SLC35D2: variants seen among roughly 807,000 people sequenced by gnomAD.
The protein encoded by SLC35D2 is nucleotide sugar transporter SLC35D2.
SLC35D2 carries 43 observed loss-of-function variants against 41.8 expected under a neutral mutation model. That is an observed-to-expected ratio of 1.03 (90% CI 0.81 to 1.33). The LOEUF is 1.33. Among genes scored for constraint, SLC35D2 ranks in the 40% most tolerant of loss-of-function variants. The pLI is 0.00. For synonymous variants in SLC35D2, 150 were observed against 163.9 expected (o/e 0.92, Z 0.65); for missense variants, 380 against 408.4 (o/e 0.93, Z 0.60).
At chr9:96,356,873 T>C (rs530430845) in intron 4 of SLC35D2, among the ~76,000 whole-genome samples, 1 of 148,526 alleles carries the variant, frequency 6.7e-6, no homozygotes, top group Non-Finnish European at 1.5e-5. Context: ...AGACCCTGTC[T>C]CAAAAAAATA....
At chr9:96,360,332 A>G (rs1429673970) in intron 3 of SLC35D2, 111 bp from the exon 4 acceptor site, 3 of 883,052 alleles carry the variant, frequency 3.4e-6, no homozygotes, top group Non-Finnish European at 5.3e-6. Flanking sequence ...TCAAACAGGC[A>G]TTAAAAAAAT....
intron 8 of SLC35D2, among the ~76,000 whole-genome samples, chr9:96,338,912 A>C (rs1829179127): frequency 6.6e-6 from 1 of 152,220 alleles, no homozygotes; most frequent in South Asian, 2.1e-4. Context: ...GAAATACTTA[A>C]GTTTTAAATT....
At chr9:96,371,329 G>C (rs1354310628) in intron 1 of SLC35D2, among the ~76,000 whole-genome samples, 1 of 151,616 alleles carries the variant, frequency 6.6e-6, no homozygotes, top group Non-Finnish European at 1.5e-5. Context: ...AGCCAGGCGT[G>C]GTGGCACACA....
chr9:96,373,434 A>G (rs1229655758), intron 1 of SLC35D2, among the ~76,000 whole-genome samples: 1 of 152,046 alleles, frequency 6.6e-6, no homozygotes, highest in East Asian at 1.9e-4. Context: ...TACACCTGTA[A>G]TTCCAGCACT....
chr9:96,340,441 A>C (rs1462395874), intron 8 of SLC35D2, among the ~76,000 whole-genome samples: 1 of 151,672 alleles, frequency 6.6e-6, no homozygotes, highest in Non-Finnish European at 1.5e-5. Flanking sequence ...ACATGGTGAA[A>C]CCCTATCTTT....
chr9:96,375,145 C>T (rs1329338746), intron 1 of SLC35D2, among the ~76,000 whole-genome samples: 1 of 151,342 alleles, frequency 6.6e-6, no homozygotes, highest in Non-Finnish European at 1.5e-5. Context: ...GCGCCCACCA[C>T]GATGCCCGGC....
intron 3 of SLC35D2, among the ~76,000 whole-genome samples, chr9:96,360,933 G>A (rs1203188566): frequency 6.6e-6 from 1 of 151,880 alleles, no homozygotes; most frequent in Non-Finnish European, 1.5e-5. Context: ...AGTAGAGATG[G>A]GATTTTGCCA....
chr9:96,367,902 T>C (rs1472160263), intron 2 of SLC35D2, among the ~76,000 whole-genome samples: 4 of 152,178 alleles, frequency 2.6e-5, no homozygotes, highest in Non-Finnish European at 5.9e-5. Flanking sequence ...TGGCTTAAAC[T>C]AAGTATCAAG....
chr9:96,357,528 C>A, intron 4 of SLC35D2: 1 of 152,014 alleles, frequency 6.6e-6, no homozygotes, highest in East Asian at 1.9e-4. Context: ...CTGGGTAACA[C>A]AGCAACATTG....
At chr9:96,319,925 C>G (rs940865951), downstream of SLC35D2, among the ~76,000 whole-genome samples, 3 of 152,202 alleles carry the variant, frequency 2.0e-5, no homozygotes, top group Non-Finnish European at 4.4e-5. Flanking sequence ...GATTAAAATA[C>G]TAGAGGCCAC....
downstream of SLC35D2, among the ~76,000 whole-genome samples, chr9:96,318,768 G>A (rs181678913): frequency 3.2e-4 from 49 of 152,150 alleles, no homozygotes; most frequent in African/African-American, 1.2e-3. Context: ...ACCATCCTGG[G>A]CAACATAGTG....
intron 8 of SLC35D2, among the ~76,000 whole-genome samples, chr9:96,341,613 C>A (rs1377961642): frequency 1.3e-5 from 2 of 152,138 alleles, no homozygotes; most frequent in East Asian, 3.9e-4. Context: ...ACATAATAAG[C>A]CCTCAGCAAG....
intron 6 of SLC35D2, among the ~76,000 whole-genome samples, chr9:96,346,254 G>A (rs894732514): frequency 6.6e-6 from 1 of 152,194 alleles, no homozygotes; most frequent in Non-Finnish European, 1.5e-5. Context: ...CAGAAAAGAA[G>A]TGAAACTCAA....
intron 1 of SLC35D2, among the ~76,000 whole-genome samples, chr9:96,378,268 TAA>T (rs560408413): frequency 1.3e-4 from 16 of 121,120 alleles, no homozygotes; most frequent in Admixed American, 1.7e-4. Context: ...ACTCCATCTC[TAA>T]AAAAAAAAAA....
intron 1 of SLC35D2, among the ~76,000 whole-genome samples, chr9:96,382,496 CTATAT>C (rs1831244148): frequency 2.3e-5 from 3 of 127,912 alleles, no homozygotes; most frequent in Non-Finnish European, 5.1e-5. Flanking sequence ...CACACACACA[CTATAT>C]ATATATATAT....
intron 1 of SLC35D2, among the ~76,000 whole-genome samples, chr9:96,378,693 T>A (rs1465339161): frequency 6.6e-6 from 1 of 151,964 alleles, no homozygotes; most frequent in Admixed American, 6.6e-5. Flanking sequence ...ATCACTTGAC[T>A]CAGTCATTTG....
chr9:96,373,978 T>C (rs1830825900), intron 1 of SLC35D2: 1 of 152,232 alleles, frequency 6.6e-6, no homozygotes, highest in South Asian at 2.1e-4. Flanking sequence ...CAGAGTGCAG[T>C]GCTGTGATGC....
At position 96,383,053 on chromosome 9, in the gene SLC35D2, A is replaced by C. The variant is rs73541027; in HGVS notation, c.158+424T>G. Among the ~76,000 whole-genome samples, 399 of 152,328 alleles carry C rather than the reference A, an allele frequency of 2.6e-3. 1 individual carries two copies. The highest frequency in any genetic ancestry group is 9.0e-3 in the African/African-American group (376 of 41,574). ...CAATTGTTTTCCCGAGTTTTCCATG[A>C]ACACGCTGGTCATCTGAGAATGAAC... On this transcript the variant is annotated intron_variant, in intron 1 of 11. Coordinates refer to ENST00000253270, the MANE Select transcript of SLC35D2 (RefSeq NM_007001.3).
intron 2 of SLC35D2, among the ~76,000 whole-genome samples, chr9:96,366,777 G>C (rs1830490895): frequency 6.7e-6 from 1 of 149,616 alleles, no homozygotes; most frequent in African/African-American, 2.5e-5. Context: ...TGCTCGGCCT[G>C]ATCTTTTTTT....
Sources: gnomAD v4.1 joint callset for allele counts (sites outside exome capture counted in the v4.1 genomes callset) on GRCh38, gnomAD v4.1.1 for gene constraint, MANE v1.5 for transcripts, NCBI Gene and HGNC (gene_info 2026-07-23, HGNC 2026-07-21) for gene names.